TFG: variants seen among roughly 807,000 people sequenced by gnomAD.
TFG encodes the protein protein TFG.
TFG carries 22 observed loss-of-function variants against 51.4 expected under a neutral mutation model. That is an observed-to-expected ratio of 0.43 (90% CI 0.31 to 0.61). The LOEUF (loss-of-function observed/expected upper bound fraction) is 0.61, where lower values mean the gene tolerates loss of function less well. Among genes scored for constraint, TFG ranks in the 20% least tolerant of loss-of-function variants. TFG has a pLI of 0.12. For synonymous variants in TFG, 187 were observed against 165.6 expected, an observed-to-expected ratio of 1.13 and a Z score of -0.99; for missense variants, 419 against 487.7, an observed-to-expected ratio of 0.86 and a Z score of 1.33.
intron 6 of TFG, chr3:100,743,824 G>A (rs2095127992): frequency 1.3e-5 from 2 of 151,382 alleles, no homozygotes; most frequent in Admixed American, 1.3e-4. Context: ...TCTCACTTCA[G>A]CAGTAAGTAT....
At position 100,748,232 on chromosome 3, in the gene TFG, C is replaced by T. The variant is rs1261871879; in HGVS notation, c.904C>T (p.Pro302Ser). The T allele has an allele frequency of 6.2e-7, 1 of 1,614,108 alleles. No homozygotes were observed. The highest frequency in any genetic ancestry group is 1.1e-5 in the South Asian group (1 of 91,078). ...GCAACCAACTTCCCAGGCACCAGCT[C>T]CTGCCTTTTCTGGTCAGCCTCAACA... ...GQQPTSQAPA[P>S]AFSGQPQQLP... Residue 302 changes from proline (P) to serine (S), a missense_variant, in exon 8 of 8, where the codon CCT (proline) becomes TCT (serine). Pro to Ser is a moderately conservative substitution (Grantham distance 74, BLOSUM62 -1). Around this residue, in one of 3 missense-constraint regions of TFG, gnomAD observed 391 missense variants for 434.4 expected, o/e 0.90. Transcript: ENST00000240851.
At chr3:100,741,042 TA>T (rs1185852450) in intron 6 of TFG, among the ~76,000 whole-genome samples, 4 of 152,208 alleles carry the variant, frequency 2.6e-5, no homozygotes, top group African/African-American at 9.6e-5. Flanking sequence ...GCCAGTCATA[TA>T]AAAGTGTAGC....
intron 6 of TFG, among the ~76,000 whole-genome samples, chr3:100,739,410 G>A (rs2095115237): frequency 4.0e-5 from 6 of 151,842 alleles, no homozygotes; most frequent in Admixed American, 3.9e-4. Flanking sequence ...AACCAAAAGG[G>A]ATAATGTTAC....
At chr3:100,730,469 T>C (rs1247236283) in intron 4 of TFG, among the ~76,000 whole-genome samples, 1 of 152,224 alleles carries the variant, frequency 6.6e-6, no homozygotes, top group African/African-American at 2.4e-5. Flanking sequence ...AGTTATTGTG[T>C]CCTGTCTGAC....
At chr3:100,712,223 A>G (rs1028324303) in intron 1 of TFG, among the ~76,000 whole-genome samples, 85 of 152,330 alleles carry the variant, frequency 5.6e-4, no homozygotes, top group African/African-American at 1.1e-3. Context: ...TATATGAAGA[A>G]TAGTAGGGCA....
chr3:100,740,552 C>T (rs2095118535), intron 6 of TFG, among the ~76,000 whole-genome samples: 1 of 152,144 alleles, frequency 6.6e-6, no homozygotes, highest in South Asian at 2.1e-4. Flanking sequence ...ATGTGAGGGA[C>T]TAACAGGGAG....
intron 3 of TFG, 77 bp from the exon 4 acceptor site, chr3:100,728,635 A>G: frequency 1.7e-6 from 2 of 1,207,478 alleles, no homozygotes; most frequent in Non-Finnish European, 2.2e-6. Context: ...AATTGTATTT[A>G]TTTTTCCTTG....
chr3:100,721,951 G>A (rs866855294), intron 3 of TFG, among the ~76,000 whole-genome samples: 1 of 152,196 alleles, frequency 6.6e-6, no homozygotes, highest in East Asian at 1.9e-4. Context: ...AGGAGTTCGC[G>A]ACCAGCCTGA....
intron 1 of TFG, chr3:100,709,941 G>A (rs1410415528): frequency 7.1e-6 from 1 of 139,988 alleles, no homozygotes; most frequent in Admixed American, 7.0e-5. Context: ...GAGGGGAAGG[G>A]AGGTCGCGGA....
chr3:100,729,317 A>G (rs1003402285), intron 4 of TFG, among the ~76,000 whole-genome samples: 2 of 152,228 alleles, frequency 1.3e-5, no homozygotes, highest in African/African-American at 4.8e-5. Flanking sequence ...AGTAATGTTC[A>G]TTAAAAATGG....
At position 100,748,522 on chromosome 3, in the gene TFG, T is replaced by G; in HGVS notation, c.1194T>G (p.Gly398=). ...AGGGCTATACCCAACCTGGACCTGG[T>G]TATCGATAAGGAGGCTCCTCTACAC... The part of the protein sequence containing the change: ...FGQGYTQPGP[G]YR Residue 398 remains glycine, a synonymous_variant, in exon 8 of 8, where the codon GGT becomes GGG. Coordinates refer to ENST00000240851, the MANE Select transcript of TFG (RefSeq NM_006070.6). 1 of 1,610,648 alleles carries G rather than the reference T, an allele frequency of 6.2e-7. No homozygotes were observed. The highest frequency in any genetic ancestry group is 8.5e-7 in the Non-Finnish European group (1 of 1,177,490).
intron 6 of TFG, among the ~76,000 whole-genome samples, chr3:100,737,270 T>A (rs896231209): frequency 6.6e-6 from 1 of 152,248 alleles, no homozygotes; most frequent in African/African-American, 2.4e-5. Flanking sequence ...GGATATGCAG[T>A]TTAGTCTCTC....
intron 3 of TFG, among the ~76,000 whole-genome samples, chr3:100,723,776 C>T (rs953202602): frequency 6.6e-6 from 1 of 150,898 alleles, no homozygotes; most frequent in African/African-American, 2.4e-5. Flanking sequence ...GCCGATAAAT[C>T]AAGCAGGCTC....
chr3:100,729,467 C>T (rs924110685), intron 4 of TFG, among the ~76,000 whole-genome samples: 7 of 152,020 alleles, frequency 4.6e-5, no homozygotes, highest in South Asian at 4.2e-4. Flanking sequence ...ATTTTGGGAC[C>T]GAATGTATTT....
chr3:100,710,258 C>T (rs1295598340), intron 1 of TFG: 1 of 152,004 alleles, frequency 6.6e-6, no homozygotes, highest in Admixed American at 6.5e-5. Context: ...AGTGATGATT[C>T]TAGCTAACTT....
In TFG at chr3:100,739,169, C is replaced by T. The variant is rs553922509; in HGVS notation, c.721+2453C>T. On this transcript the variant is annotated intron_variant, in intron 6 of 7. Transcript: ENST00000240851. ...CATTGTCAGTTATTTAGATCAACTA[C>T]TGGTTATAATTTGAGCAGAATTACC... Among the ~76,000 whole-genome samples the T allele has an allele frequency of 2.4e-3, 368 of 152,144 alleles. 3 individuals are homozygous for T. The highest frequency in any genetic ancestry group is 8.4e-3 in the African/African-American group (349 of 41,502).
chr3:100,713,327 TAAA>T (rs1009553255), intron 1 of TFG, among the ~76,000 whole-genome samples: 3 of 152,134 alleles, frequency 2.0e-5, no homozygotes, highest in African/African-American at 7.2e-5. Context: ...CGAAGGAAGA[TAAA>T]GAAGCCTCTA....
intron 6 of TFG, among the ~76,000 whole-genome samples, chr3:100,739,929 G>T (rs549894599): frequency 1.4e-4 from 21 of 152,158 alleles, no homozygotes; most frequent in Admixed American, 9.8e-4. Flanking sequence ...CTTGATTACA[G>T]CTCACCTGCA....
At chr3:100,716,874 G>A (rs545666308) in intron 2 of TFG, among the ~76,000 whole-genome samples, 3 of 151,968 alleles carry the variant, frequency 2.0e-5, no homozygotes, top group Non-Finnish European at 1.5e-5. Context: ...ATCATTTGCC[G>A]ATTTTAAAAT....
Sources: gnomAD v4.1 joint callset for allele counts (sites outside exome capture counted in the v4.1 genomes callset) on GRCh38, gnomAD v4.1.1 for gene constraint, gnomAD v4.1.1 regional missense constraint, MANE v1.5 for transcripts, NCBI Gene and HGNC (gene_info 2026-07-23, HGNC 2026-07-21) for gene names.